Variants in CMKLR2 observed in about 807,000 individuals in gnomAD.
CMKLR2 encodes chemerin-like receptor 2.
In CMKLR2, 18 loss-of-function variants were observed where a neutral mutation model predicts 23.0. The ratio of observed to expected loss-of-function variants is 0.78; its 90% confidence interval spans 0.54 to 1.16. The LOEUF (loss-of-function observed/expected upper bound fraction) is 1.16, where lower values mean the gene tolerates loss of function less well. Among genes scored for constraint, CMKLR2 ranks in the 50% most tolerant of loss-of-function variants. The pLI, the probability that CMKLR2 is intolerant of heterozygous loss-of-function variation, is 0.00. For missense variants in CMKLR2, 401 were observed against 412.7 expected, an observed-to-expected ratio of 0.97 and a Z score of 0.25; for synonymous variants, 158 against 158.9, an observed-to-expected ratio of 0.99 and a Z score of 0.05.
chr2:206,199,605 TTC>T (rs1689027983), intron 1 of CMKLR2, among the ~76,000 whole-genome samples: 1 of 151,798 alleles, frequency 6.6e-6, no homozygotes, highest in South Asian at 2.1e-4. Context: ...TTTTTTTTTT[TTC>T]CCCCGAAATG....
chr2:206,185,539 A>T (rs1688552329), intron 1 of CMKLR2, among the ~76,000 whole-genome samples: 1 of 152,232 alleles, frequency 6.6e-6, no homozygotes, highest in African/African-American at 2.4e-5. Context: ...AGGTTACATC[A>T]TATAGATGCT....
In CMKLR2 at chr2:206,196,434, G is replaced by A. The variant is rs115296232; in HGVS notation, c.-29+16873C>T. On this transcript the variant is annotated intron_variant, in intron 1 of 1. Transcript: ENST00000621141. ...AATAGTGTTTAAACCAGGAGAGAGCGATGCTGAATTTAGAGAATAAATCTA... is the reference window on the plus strand; with the variant it reads ...AATAGTGTTTAAACCAGGAGAGAGCAATGCTGAATTTAGAGAATAAATCTA... 7.0e-3 allele frequency among the ~76,000 whole-genome samples: 1,060 copies of A among 150,790 alleles called. 13 individuals are homozygous for A. The highest frequency in any genetic ancestry group is 0.025 in the African/African-American group (1,009 of 40,724).
At chr2:206,180,304 A>C (rs1688368915) in intron 1 of CMKLR2, among the ~76,000 whole-genome samples, 2 of 151,774 alleles carry the variant, frequency 1.3e-5, no homozygotes, top group African/African-American at 4.8e-5. Context: ...AAGCCTGGAC[A>C]ACAAAGTGAG....
At chr2:206,200,798 A>G (rs1689069972) in intron 1 of CMKLR2, among the ~76,000 whole-genome samples, 1 of 152,228 alleles carries the variant, frequency 6.6e-6, no homozygotes, top group South Asian at 2.1e-4. Flanking sequence ...TGGAAGGAAC[A>G]CAGTAAAAAA....
At chr2:206,193,636 C>T (rs115581636) in intron 1 of CMKLR2, among the ~76,000 whole-genome samples, 2 of 152,200 alleles carry the variant, frequency 1.3e-5, no homozygotes, top group Non-Finnish European at 2.9e-5. Flanking sequence ...TGTTATGTAT[C>T]GTAACGTAAC....
intron 1 of CMKLR2, among the ~76,000 whole-genome samples, chr2:206,198,822 G>A (rs1263217933): frequency 6.6e-6 from 1 of 152,134 alleles, no homozygotes; most frequent in African/African-American, 2.4e-5. Flanking sequence ...CAGGTTTTGA[G>A]TGAAGCAGAC....
chr2:206,214,654 C>T (rs1254807399), upstream of CMKLR2, among the ~76,000 whole-genome samples: 10 of 151,768 alleles, frequency 6.6e-5, no homozygotes, highest in East Asian at 1.9e-4. Flanking sequence ...GACGGAGTCT[C>T]GCTCTGTTGC....
At chr2:206,209,652 T>TTC (rs1689467836) in intron 1 of CMKLR2, among the ~76,000 whole-genome samples, 2 of 140,584 alleles carry the variant, frequency 1.4e-5, no homozygotes, top group Admixed American at 7.1e-5. Context: ...TCTTTCTTTT[T>TTC]TTTTTTTTTT....
At chr2:206,196,705 A>G in intron 1 of CMKLR2, among the ~76,000 whole-genome samples, 1 of 152,112 alleles carries the variant, frequency 6.6e-6, no homozygotes, top group Admixed American at 6.6e-5. Context: ...CTTTTATCAT[A>G]GCTTTATTTT....
At chr2:206,204,278 C>T (rs1047615247) in intron 1 of CMKLR2, among the ~76,000 whole-genome samples, 2 of 144,296 alleles carry the variant, frequency 1.4e-5, no homozygotes, top group Non-Finnish European at 3.0e-5. Context: ...GGTGTGAACC[C>T]GGGAGGCGGA....
At chr2:206,199,784 T>G (rs991691308) in intron 1 of CMKLR2, among the ~76,000 whole-genome samples, 2 of 151,742 alleles carry the variant, frequency 1.3e-5, no homozygotes, top group African/African-American at 2.4e-5. Flanking sequence ...TTAGTAGAGA[T>G]GGGGTTTTGT....
In CMKLR2 at chr2:206,176,113, A is replaced by T; in HGVS notation, c.*67T>A. 1.7e-6 allele frequency: 2 copies of T among 1,162,398 alleles called. No individual in the cohort carries two copies. Among genetic ancestry groups the T allele is most frequent in the Non-Finnish European group, 2.4e-6 (2 of 822,002 alleles). 72.0% of individuals were successfully genotyped at this position (1,162,398 alleles called of 1,614,324 possible). A position where few individuals can be genotyped will look rare whatever the true frequency, so the allele number is the denominator to read the frequency against. ...GGCTCTCTATCTTGGAAACAATTTT[A>T]ATCTGAAAGCATCAGTCAGAGGACC... On this transcript the variant is annotated 3_prime_UTR_variant, in exon 2 of 2. Coordinates refer to ENST00000621141, the MANE Select transcript of CMKLR2 (RefSeq NM_001389445.1).
chr2:206,189,297 G>A (rs1415851927), intron 1 of CMKLR2, among the ~76,000 whole-genome samples: 3 of 152,178 alleles, frequency 2.0e-5, no homozygotes, highest in African/African-American at 7.2e-5. Context: ...CACCACAGGG[G>A]CCCTTGGGGG....
In CMKLR2 at chr2:206,198,483, C is replaced by T. The variant is rs543679892; in HGVS notation, c.-29+14824G>A. 2.6e-5 allele frequency among the ~76,000 whole-genome samples: 4 copies of T among 152,262 alleles called. No individual in the cohort carries two copies. In the East Asian group the frequency reaches 7.7e-4, roughly 29 times the overall value. On this transcript the variant is annotated intron_variant, in intron 1 of 1. Coordinates refer to ENST00000621141, the MANE Select transcript of CMKLR2 (RefSeq NM_001389445.1). ...TAACTGAGAAGCTCAAAGATGGCAGCACCGTATATTCTAGCTCTTTTATTA... is the reference window on the plus strand; with the variant it reads ...TAACTGAGAAGCTCAAAGATGGCAGTACCGTATATTCTAGCTCTTTTATTA...
chr2:206,212,227 A>G (rs535990345), intron 1 of CMKLR2, among the ~76,000 whole-genome samples: 117 of 152,360 alleles, frequency 7.7e-4, no homozygotes, highest in South Asian at 3.5e-3. Flanking sequence ...AGTAACAGAA[A>G]ATGTATGACC....
chr2:206,193,798 T>C (rs12478085), intron 1 of CMKLR2, among the ~76,000 whole-genome samples: 19,026 of 152,240 alleles, frequency 0.12, 1,422 homozygotes, highest in East Asian at 0.26. Flanking sequence ...ACCTGAATTC[T>C]CTGCAGGCCA....
chr2:206,217,035 TATC>T (rs1445115276), upstream of CMKLR2, among the ~76,000 whole-genome samples: 5 of 152,200 alleles, frequency 3.3e-5, no homozygotes, highest in African/African-American at 1.2e-4. Flanking sequence ...GAGAATATTA[TATC>T]ATCAAGTCAT....
At chr2:206,200,249 C>A (rs1689051630) in intron 1 of CMKLR2, among the ~76,000 whole-genome samples, 1 of 151,898 alleles carries the variant, frequency 6.6e-6, no homozygotes, top group African/African-American at 2.4e-5. Flanking sequence ...CACAGTGAAA[C>A]CCCATCTCTA....
At position 206,176,502 on chromosome 2, in the gene CMKLR2, A is replaced by G; in HGVS notation, c.746T>C (p.Leu249Pro). ...LISSRHFWTI[L>P]VVVVAFVVCW... ...AACCACAAAGGCCACAACCACAACC[A>G]GAATTGTCCAGAAATGCCTACTGGA... Residue 249 changes from leucine to proline, a missense_variant, in exon 2 of 2, where the codon CTG (leucine) becomes CCG (proline). Transcript: ENST00000621141. 6.2e-7 allele frequency: 1 copy of G among 1,614,230 alleles called. No homozygotes were observed. Among genetic ancestry groups the G allele is most frequent in the Non-Finnish European group, 8.5e-7 (1 of 1,180,038 alleles).
Sources: gnomAD v4.1 joint callset for allele counts (sites outside exome capture counted in the v4.1 genomes callset) on GRCh38, gnomAD v4.1.1 for gene constraint, MANE v1.5 for transcripts, NCBI Gene and HGNC (gene_info 2026-07-23, HGNC 2026-07-21) for gene names.